The following KDM2B variants were observed in gnomAD, a reference collection of about 807,000 sequenced individuals.
KDM2B encodes the protein lysine demethylase 2B.
KDM2B carries 26 observed loss-of-function variants against 150.0 expected under a neutral mutation model. The ratio of observed to expected loss-of-function variants is 0.17; its 90% CI spans 0.13 to 0.24. The LOEUF (loss-of-function observed/expected upper bound fraction) is 0.24. Among genes scored for constraint, KDM2B ranks in the 10% least tolerant of loss-of-function variants. The probability of loss-of-function intolerance (pLI) is 1.00; values close to 1 mark genes in which losing one functional copy is unlikely to be tolerated. For synonymous variants in KDM2B, 734 were observed against 729.5 expected, an observed-to-expected ratio of 1.01 and a Z score of -0.10; for missense variants, 1,265 against 1,816.9, an observed-to-expected ratio of 0.70 and a Z score of 5.52.
At chr12:121,418,330 G>C in the KDM2B span, 3 of 161,556 alleles carry the variant, frequency 1.9e-5, no homozygotes, top group African/African-American at 7.2e-5. Flanking sequence ...CAGTGAAATT[G>C]TTCTAATTTA....
chr12:121,525,443 C>T (rs1594048941), intron 8 of KDM2B, among the ~76,000 whole-genome samples: 1 of 152,082 alleles, frequency 6.6e-6, no homozygotes, highest in African/African-American at 2.4e-5. Flanking sequence ...GAGGTTTTAC[C>T]ATGTTGGCCA....
In KDM2B at chr12:121,430,671, T is replaced by TTAA; in HGVS notation, c.3830-205_3830-203dup. The TTAA allele has an allele frequency of 3.4e-6, 2 of 588,862 alleles. No homozygotes were observed. Among genetic ancestry groups the TTAA allele is most frequent in the South Asian group, 2.2e-5 (1 of 46,278 alleles). 36.5% of individuals were successfully genotyped at this position (588,862 alleles called of 1,614,324 possible). A position where few individuals can be genotyped will look rare whatever the true frequency, so the allele number is the denominator to read the frequency against. On this transcript the variant is annotated intron_variant, in intron 22 of 22. Coordinates refer to ENST00000377071, the MANE Select transcript of KDM2B (RefSeq NM_032590.5). This position sits in a 1 kb window ranked among gnomAD's most constrained non-coding sequence, Gnocchi z 4.4. Reference sequence around the variant, plus strand: ...GGGTCTCACCCGCCAGGTATAAAGGTTAATATATGCCTCAAAAGCATTCAG... The same window carrying TTAA: ...GGGTCTCACCCGCCAGGTATAAAGGTTAATAATATATGCCTCAAAAGCATTCAG...
intron 1 of KDM2B, 145 bp downstream of exon 1, chr12:121,580,641 G>C: frequency 7.7e-7 from 1 of 1,296,740 alleles, no homozygotes; most frequent in South Asian, 1.5e-5. Context: ...TCAGCGGGAG[G>C]CGCGGAAATG....
Position 121,445,359 on chromosome 12 carries a change from C to A in KDM2B, c.2019G>T (p.Thr673=). 6.2e-7 allele frequency: 1 copy of A among 1,610,156 alleles called. No individual in the cohort carries two copies. Among genetic ancestry groups the A allele is most frequent in the Non-Finnish European group, 8.5e-7 (1 of 1,177,130 alleles). Residue 673 remains threonine (T), a synonymous_variant, in exon 14 of 23, where the codon ACG becomes ACT. Coordinates refer to ENST00000377071, the MANE Select transcript of KDM2B (RefSeq NM_032590.5). ...LVCGEAGKED[T]VEEEEGKFNL... ...TAAACTTGCCTTCCTCCTCTTCCACCGTGTCTTCCTTCCCCGCCTCGCCAC... is the reference window on the plus strand; with the variant it reads ...TAAACTTGCCTTCCTCCTCTTCCACAGTGTCTTCCTTCCCCGCCTCGCCAC...
In KDM2B at chr12:121,545,070, C is replaced by T. The variant is rs370314441; in HGVS notation, c.683+3807G>A. Among the ~76,000 whole-genome samples, 128 of 152,292 alleles carry T rather than the reference C, an allele frequency of 8.4e-4. No homozygotes were observed. In the South Asian group the frequency reaches 0.02, roughly 24 times the overall value. On this transcript the variant is annotated intron_variant, in intron 6 of 22. Coordinates refer to ENST00000377071, the MANE Select transcript of KDM2B (RefSeq NM_032590.5). ...TGACAGCCATCTCTACCCTCCAGGGCCTCCAGCATGAAAGCTCCATGATTT... is the reference window on the plus strand; with the variant it reads ...TGACAGCCATCTCTACCCTCCAGGGTCTCCAGCATGAAAGCTCCATGATTT...
the KDM2B span, among the ~76,000 whole-genome samples, chr12:121,421,456 G>A: frequency 6.6e-6 from 1 of 151,680 alleles, no homozygotes; most frequent in Non-Finnish European, 1.5e-5. Context: ...GGGAGGCTGA[G>A]GGGGGAGGAT....
intron 13 of KDM2B, among the ~76,000 whole-genome samples, chr12:121,446,290 C>A (rs1456921181): frequency 1.3e-5 from 2 of 152,040 alleles, no homozygotes; most frequent in Admixed American, 6.6e-5. Context: ...CCCAGCTACT[C>A]GGGAGACTGA....
chr12:121,468,718 C>G lies in KDM2B; in HGVS notation c.1735-15374G>C, dbSNP rs1880397471. Reference sequence around the variant, plus strand: ...GGCCTGGCCTTTCAAAGAAGGCAGGCTGTGTGCCGGAGACCTTGTAAACAA... The same window carrying G: ...GGCCTGGCCTTTCAAAGAAGGCAGGGTGTGTGCCGGAGACCTTGTAAACAA... On this transcript the variant is annotated intron_variant, in intron 12 of 22. Coordinates refer to ENST00000377071, the MANE Select transcript of KDM2B (RefSeq NM_032590.5). The surrounding 1 kb of genome is among the most constrained non-coding windows in gnomAD (Gnocchi z 4.0). 1 of 152,198 alleles carries G rather than the reference C, an allele frequency of 6.6e-6. No individual in the cohort carries two copies. The highest frequency in any genetic ancestry group is 1.5e-5 in the Non-Finnish European group (1 of 68,042). The allele number at this position is 152,198 out of a possible 1,614,324, so 9.4% of individuals were successfully genotyped here.
intron 11 of KDM2B, among the ~76,000 whole-genome samples, chr12:121,499,285 T>C (rs1884284467): frequency 6.7e-6 from 1 of 150,292 alleles, no homozygotes; most frequent in South Asian, 2.1e-4. Context: ...AATTTTTGTA[T>C]CTTTTTTTTT....
chr12:121,486,363 G>GTTTTTT (rs1566326232), intron 12 of KDM2B, among the ~76,000 whole-genome samples: 9 of 112,824 alleles, frequency 8.0e-5, no homozygotes, highest in African/African-American at 2.2e-4. Context: ...TTTTTTTTAG[G>GTTTTTT]GGAAACGGGG....
intron 12 of KDM2B, among the ~76,000 whole-genome samples, chr12:121,458,691 C>A (rs1443933908): frequency 6.6e-6 from 1 of 152,062 alleles, no homozygotes; most frequent in Non-Finnish European, 1.5e-5. Context: ...ATCCCAGCTA[C>A]TTGGGAGGCT....
chr12:121,571,794 C>T (rs1470582154), intron 4 of KDM2B, among the ~76,000 whole-genome samples: 1 of 151,080 alleles, frequency 6.6e-6, no homozygotes, highest in Non-Finnish European at 1.5e-5. Flanking sequence ...GGGATTACAG[C>T]CGCCCGCCAC....
chr12:121,433,600 A>G (rs1293821184), intron 22 of KDM2B, among the ~76,000 whole-genome samples: 1 of 152,258 alleles, frequency 6.6e-6, no homozygotes, highest in Non-Finnish European at 1.5e-5. Context: ...TTAGACATAA[A>G]TAAATGGAAA....
chr12:121,536,463 C>T (rs2141633108), intron 6 of KDM2B, among the ~76,000 whole-genome samples: 1 of 152,216 alleles, frequency 6.6e-6, no homozygotes, highest in East Asian at 1.9e-4. Flanking sequence ...CTGGGCTCCA[C>T]ACCGTCCTCA....
In KDM2B at chr12:121,548,898, A is replaced by G. The variant is rs1555311245; in HGVS notation, c.662T>C (p.Met221Thr). The change falls in exon 6 of 23, where the codon ATG (methionine) becomes ACG (threonine). Residue 221 changes from methionine (M) to threonine (T), a missense_variant. Around this residue, in one of 11 missense-constraint regions of KDM2B, gnomAD observed 214 missense variants for 447.4 expected, o/e 0.48. Coordinates refer to ENST00000377071, the MANE Select transcript of KDM2B (RefSeq NM_032590.5). Reference sequence around the variant, plus strand: ...TTACTTTTTCACTTTCGGGTACTTCATCTCTGCAATGGCGTTCGTGGCTTC... The same window carrying G: ...TTACTTTTTCACTTTCGGGTACTTCGTCTCTGCAATGGCGTTCGTGGCTTC... ...QTEATNAIAE[M>T]KYPKVKKYCL... The G allele has an allele frequency of 6.2e-7, 1 of 1,614,016 alleles. No homozygotes were observed. Among genetic ancestry groups the G allele is most frequent in the Non-Finnish European group, 8.5e-7 (1 of 1,179,900 alleles).
chr12:121,476,360 G>A (rs1375255865), intron 12 of KDM2B, among the ~76,000 whole-genome samples: 2 of 152,056 alleles, frequency 1.3e-5, no homozygotes, highest in Non-Finnish European at 2.9e-5. Flanking sequence ...GGAGGCTGAA[G>A]TGGGAGTACT....
intron 12 of KDM2B, among the ~76,000 whole-genome samples, chr12:121,486,625 A>G (rs979217584): frequency 1.3e-5 from 2 of 152,034 alleles, no homozygotes; most frequent in Non-Finnish European, 2.9e-5. Flanking sequence ...TGTCTCTACT[A>G]AAAATACAAA....
Position 121,548,897 on chromosome 12 carries a change from C to T in KDM2B, c.663G>A (p.Met221Ile). The T allele has an allele frequency of 6.2e-7, 1 of 1,614,108 alleles. No individual in the cohort carries two copies. Among genetic ancestry groups the T allele is most frequent in the Non-Finnish European group, 8.5e-7 (1 of 1,179,926 alleles). Reference protein sequence around the residue: ...QTEATNAIAEMKYPKVKKYCL... With the variant: ...QTEATNAIAEIKYPKVKKYCL... ...CTTACTTTTTCACTTTCGGGTACTT[C>T]ATCTCTGCAATGGCGTTCGTGGCTT... The change falls in exon 6 of 23, where the codon ATG becomes ATA. Residue 221 changes from methionine (M) to isoleucine (I), a missense_variant. Met to Ile is a conservative substitution (Grantham distance 10). This residue lies in a region of KDM2B where 214 missense variants were observed against 447.4 expected (regional missense o/e 0.48). Coordinates refer to ENST00000377071, the MANE Select transcript of KDM2B (RefSeq NM_032590.5).
Position 121,440,067 on chromosome 12 carries a change from C to A in KDM2B, c.3619G>T (p.Asp1207Tyr). Residue 1207 changes from aspartate to tyrosine, a missense_variant, in exon 22 of 23, where the codon GAC becomes TAC. Transcript: ENST00000377071. ...PPTDNRPGQM[D>Y]NRSKLRNIVE... ...ATGTTCCGGAGCTTGCTCCGATTGT[C>A]CATCTGACCTGGTGGGGCAGGAAGG... is the stretch of plus-strand genomic sequence containing the variant. 1 of 1,603,144 alleles carries A rather than the reference C, an allele frequency of 6.2e-7. No homozygotes were observed. The highest frequency in any genetic ancestry group is 8.5e-7 in the Non-Finnish European group (1 of 1,175,410).
Sources: allele counts gnomAD v4.1 joint callset (sites outside exome capture counted in the v4.1 genomes callset), GRCh38; gene constraint gnomAD v4.1.1; regional missense constraint gnomAD v4.1.1; non-coding constraint Gnocchi (gnomAD v3.1); transcripts MANE v1.5; gene names NCBI Gene and HGNC (gene_info 2026-07-23, HGNC 2026-07-21).